The following AARSD1 variants were observed in gnomAD, a reference collection of about 807,000 sequenced individuals.
The protein encoded by AARSD1 is alanyl-tRNA synthetase domain containing 1.
AARSD1 carries 44 observed loss-of-function variants against 48.7 expected under a neutral mutation model. The ratio of observed to expected loss-of-function variants is 0.90; its 90% CI spans 0.71 to 1.16. AARSD1 has a LOEUF of 1.16. Ranked by LOEUF, AARSD1 falls within the 50% of genes most tolerant of loss-of-function variation. The pLI is 0.00. For missense variants in AARSD1, 511 were observed against 523.1 expected, an observed-to-expected ratio of 0.98 and a Z score of 0.23; for synonymous variants, 189 against 194.9, an observed-to-expected ratio of 0.97 and a Z score of 0.25.
chr17:42,956,883 G>A (rs2049562592), intron 4 of AARSD1, among the ~76,000 whole-genome samples: 1 of 147,810 alleles, frequency 6.8e-6, no homozygotes, highest in South Asian at 2.2e-4. Context: ...TAGCCAGGAT[G>A]GTCTCGATCT....
chr17:42,963,817 TTTTG>T, intron 2 of AARSD1, among the ~76,000 whole-genome samples: 1 of 152,156 alleles, frequency 6.6e-6, no homozygotes, highest in Admixed American at 6.6e-5. Flanking sequence ...TTTACTTGGT[TTTTG>T]TTTATTACTT....
chr17:42,957,279 A>T, intron 3 of AARSD1, 84 bp from the exon 4 acceptor site: 2 of 1,564,258 alleles, frequency 1.3e-6, no homozygotes, highest in African/African-American at 1.4e-5. Flanking sequence ...CAATGATAAA[A>T]GCACAGAAAT....
In AARSD1 at chr17:42,961,357, G is replaced by A. The variant is rs1019330792; in HGVS notation, c.172-6C>T. On this transcript the variant is annotated splice_region_variant and splice_polypyrimidine_tract_variant and intron_variant, in intron 2 of 11. Transcript: ENST00000427569. ...ATTGTACCACGGTCATCAGGCTGGT[G>A]GAAATAAGTAAACGTAATCAATGGC... 1.9e-6 allele frequency: 3 copies of A among 1,613,824 alleles called. No homozygotes were observed. In the African/African-American group the frequency reaches 4.0e-5, roughly 22 times the overall value.
At chr17:42,954,089 C>T (rs2049514392) in intron 9 of AARSD1, 1 of 328,428 alleles carries the variant, frequency 3.0e-6, no homozygotes, top group South Asian at 3.5e-5. Flanking sequence ...CACAGTGGCT[C>T]ACACCTGTAA....
At chr17:42,963,253 A>G (rs62076376) in intron 2 of AARSD1, among the ~76,000 whole-genome samples, 141,605 of 151,192 alleles carry the variant, frequency 0.94, 67,024 homozygotes, top group South Asian at 1. Context: ...GTTAATTTTT[A>G]TATTTTTAGT....
At chr17:42,958,153 C>T (rs1225175768) in intron 3 of AARSD1, among the ~76,000 whole-genome samples, 3 of 152,100 alleles carry the variant, frequency 2.0e-5, no homozygotes, top group African/African-American at 7.2e-5. Context: ...CGAAGACCTA[C>T]AGGAAGCCTC....
chr17:42,956,574 A>T lies in AARSD1; in HGVS notation c.390-14T>A. ...CTCCCTAACTCCCTGTCAGAAGTAC[A>T]GTGGCCACAGATAACATATCTTACT... On this transcript the variant is annotated splice_polypyrimidine_tract_variant and intron_variant, in intron 4 of 11. Coordinates refer to ENST00000427569, the MANE Select transcript of AARSD1 (RefSeq NM_001261434.2). 1 of 1,590,502 alleles carries T rather than the reference A, an allele frequency of 6.3e-7. No homozygotes were observed. The highest frequency in any genetic ancestry group is 8.6e-7 in the Non-Finnish European group (1 of 1,167,318).
At chr17:42,951,973 T>C (rs753663106) in intron 10 of AARSD1, 79 bp from the exon 11 acceptor site, 32 of 1,453,428 alleles carry the variant, frequency 2.2e-5, no homozygotes, top group Non-Finnish European at 3.0e-5. Flanking sequence ...CTCTCTTCAA[T>C]CTTAAGAATA....
At chr17:42,957,697 T>C (rs2049578813) in intron 3 of AARSD1, among the ~76,000 whole-genome samples, 1 of 152,086 alleles carries the variant, frequency 6.6e-6, no homozygotes, top group Non-Finnish European at 1.5e-5. Flanking sequence ...TCTTGAACTC[T>C]TGACCTCAAG....
chr17:42,955,522 T>C, intron 7 of AARSD1: 2 of 420,936 alleles, frequency 4.8e-6, no homozygotes, highest in Non-Finnish European at 8.5e-6. Flanking sequence ...CACTGCAAGC[T>C]CCACCTCCCG....
intron 3 of AARSD1, 51 bp downstream of exon 3, chr17:42,961,141 C>T (rs1225093925): frequency 6.4e-7 from 1 of 1,566,086 alleles, no homozygotes; most frequent in Non-Finnish European, 8.7e-7. Flanking sequence ...ATCACAGCAT[C>T]CCCATACATG....
Position 42,954,890 on chromosome 17 carries a change from C to A in AARSD1, c.939G>T (p.Val313=). The A allele has an allele frequency of 6.2e-7, 1 of 1,614,064 alleles. No homozygotes were observed. The highest frequency in any genetic ancestry group is 1.1e-5 in the South Asian group (1 of 91,070). The part of the protein sequence containing the change: ...SLRNSPDWGG[V]VILHRKEGDS... ...TAATTTCTCACCTGTGTAATATGAC[C>A]ACACCTCCCCAGTCTGGACTGTTCC... Residue 313 remains valine (V), a synonymous_variant, in exon 9 of 12, where the codon GTG becomes GTT. Coordinates refer to ENST00000427569, the MANE Select transcript of AARSD1 (RefSeq NM_001261434.2).
intron 3 of AARSD1, 108 bp from the exon 4 acceptor site, chr17:42,957,303 G>C: frequency 7.0e-7 from 1 of 1,428,066 alleles, no homozygotes; most frequent in South Asian, 1.2e-5. Flanking sequence ...CCTTGTTGAA[G>C]ACCTGCTAAG....
intron 7 of AARSD1, 63 bp from the exon 8 acceptor site, chr17:42,955,287 TA>T: frequency 6.3e-7 from 1 of 1,597,050 alleles, no homozygotes; most frequent in Non-Finnish European, 8.5e-7. Context: ...GTTGGGGACA[TA>T]AATCAATAAT....
At chr17:42,953,347 T>C (rs955235292) in intron 10 of AARSD1, among the ~76,000 whole-genome samples, 2 of 152,162 alleles carry the variant, frequency 1.3e-5, no homozygotes, top group African/African-American at 4.8e-5. Flanking sequence ...TGATCTTAAG[T>C]GATCCACCCA....
At position 42,957,207 on chromosome 17, in the gene AARSD1, G is replaced by A; in HGVS notation, c.332-12C>T. 6.2e-7 allele frequency: 1 copy of A among 1,613,454 alleles called. No homozygotes were observed. Among genetic ancestry groups the A allele is most frequent in the Non-Finnish European group, 8.5e-7 (1 of 1,179,734 alleles). ...GATGAGATGCTGCCCTAAGCAAAGAGAGCCAGAGACAGGAGAAAAGTGAGA... is the reference window on the plus strand; with the variant it reads ...GATGAGATGCTGCCCTAAGCAAAGAAAGCCAGAGACAGGAGAAAAGTGAGA... On this transcript the variant is annotated splice_polypyrimidine_tract_variant and intron_variant, in intron 3 of 11. Transcript: ENST00000427569.
chr17:42,956,826 C>T (rs1441413681), intron 4 of AARSD1, among the ~76,000 whole-genome samples: 2 of 148,634 alleles, frequency 1.3e-5, no homozygotes, highest in South Asian at 2.2e-4. Flanking sequence ...CGCCACCACG[C>T]CCGGCTAATT....
In AARSD1 at chr17:42,954,897, C is replaced by G; in HGVS notation, c.932G>C (p.Gly311Ala). The G allele has an allele frequency of 6.2e-7, 1 of 1,614,108 alleles. No homozygotes were observed. The highest frequency in any genetic ancestry group is 1.3e-5 in the African/African-American group (1 of 75,050). ...AHSLRNSPDW[G>A]GVVILHRKEG... ...TCACCTGTGTAATATGACCACACCTCCCCAGTCTGGACTGTTCCTGAGGCT... is the reference window on the plus strand; with the variant it reads ...TCACCTGTGTAATATGACCACACCTGCCCAGTCTGGACTGTTCCTGAGGCT... The change falls in exon 9 of 12, where the codon GGA becomes GCA. Residue 311 changes from glycine (G) to alanine (A), a missense_variant. Coordinates refer to ENST00000427569, the MANE Select transcript of AARSD1 (RefSeq NM_001261434.2).
At chr17:42,952,496 G>C (rs192949794) in intron 10 of AARSD1, among the ~76,000 whole-genome samples, 3 of 152,232 alleles carry the variant, frequency 2.0e-5, no homozygotes, top group Admixed American at 1.3e-4. Context: ...TTCCAAAGAA[G>C]GGTTCTGGAG....
Sources: gnomAD v4.1 joint callset for allele counts (sites outside exome capture counted in the v4.1 genomes callset) on GRCh38, gnomAD v4.1.1 for gene constraint, MANE v1.5 for transcripts, NCBI Gene and HGNC (gene_info 2026-07-23, HGNC 2026-07-21) for gene names.